The following ARHGAP5 variants were observed in gnomAD, a reference collection of about 807,000 sequenced individuals.
ARHGAP5 encodes Rho GTPase activating protein 5.
ARHGAP5 carries 23 observed loss-of-function variants against 116.6 expected under a neutral mutation model. The ratio of observed to expected loss-of-function variants is 0.20; its 90% CI spans 0.14 to 0.28. The LOEUF (loss-of-function observed/expected upper bound fraction) is 0.28. Ranked by LOEUF, ARHGAP5 falls within the 10% of genes least tolerant of loss-of-function variation. The pLI is 1.00. For synonymous variants in ARHGAP5, 574 were observed against 602.0 expected (o/e 0.95, Z 0.68); for missense variants, 1,405 against 1,774.8 (o/e 0.79, Z 3.74).
rs1300612323 is a variant in ARHGAP5, at chr14:32,092,228, C to G, written c.1559C>G (p.Thr520Arg). The G allele has an allele frequency of 6.2e-7, 1 of 1,613,072 alleles. No homozygotes were observed. The highest frequency in any genetic ancestry group is 2.2e-5 in the East Asian group (1 of 44,866). ...PSSDKMSEIH[T>R]VLSEEPRYKA... The stretch of plus-strand genomic sequence containing the variant: ...TCAGATAAAATGAGTGAAATTCATA[C>G]AGTTCTGAGTGAAGAACCTAGATAT... Residue 520 changes from threonine (T) to arginine (R), a missense_variant, in exon 2 of 7, where the codon ACA becomes AGA. By Grantham distance (71) the Thr-to-Arg change is moderately conservative. This residue lies in a region of ARHGAP5 where 944 missense variants were observed against 1,095.3 expected (regional missense o/e 0.86). Transcript: ENST00000345122. This position sits in a 1 kb window ranked among gnomAD's most constrained non-coding sequence, Gnocchi z 4.1.
At chr14:32,102,559 G>A (rs1878839950) in intron 2 of ARHGAP5, among the ~76,000 whole-genome samples, 1 of 152,172 alleles carries the variant, frequency 6.6e-6, no homozygotes, top group Non-Finnish European at 1.5e-5. Flanking sequence ...CGAAAACAAA[G>A]AAAAATGAGT....
chr14:32,092,386 G>C lies in ARHGAP5; in HGVS notation c.1717G>C (p.Ala573Pro), dbSNP rs775338028. The change falls in exon 2 of 7, where the codon GCT (alanine) becomes CCT (proline). Residue 573 changes from alanine to proline, a missense_variant. Transcript: ENST00000345122. The surrounding 1 kb of genome is among the most constrained non-coding windows in gnomAD (Gnocchi z 4.1). ...AGACATTAAAGTGGAGCAGTTACTT[G>C]CTAGTAGTCTTTTACAGTTGGATCA... ...CTDIKVEQLL[A>P]SSLLQLDHGR... 8 of 1,613,440 alleles carry C rather than the reference G, an allele frequency of 5.0e-6. No individual in the cohort carries two copies. The highest frequency in any genetic ancestry group is 6.8e-6 in the Non-Finnish European group (8 of 1,179,722).
chr14:32,091,509 G>A lies in ARHGAP5; in HGVS notation c.840G>A (p.Val280=), dbSNP rs367996747. The stretch of plus-strand genomic sequence containing the variant: ...CAACAGATAAGTTTGAAAAACTTGT[G>A]CAGACTGTGAGAGATTATCATGCAA... ...VTATDKFEKL[V]QTVRDYHATW... is the part of the protein sequence containing the mutation. Residue 280 remains valine (V), a synonymous_variant, in exon 2 of 7, where the codon GTG becomes GTA. Coordinates refer to ENST00000345122, the MANE Select transcript of ARHGAP5 (RefSeq NM_001030055.2). 7 of 1,612,986 alleles carry A rather than the reference G, an allele frequency of 4.3e-6. No individual in the cohort carries two copies. Among genetic ancestry groups the A allele is most frequent in the Non-Finnish European group, 5.9e-6 (7 of 1,179,488 alleles).
At chr14:32,148,083 G>C (rs537116813) in intron 4 of ARHGAP5, among the ~76,000 whole-genome samples, 1 of 152,134 alleles carries the variant, frequency 6.6e-6, no homozygotes, top group Non-Finnish European at 1.5e-5. Context: ...AACCCAGGAG[G>C]GGGAGGTTGC....
At chr14:32,147,212 A>G (rs949253325) in intron 4 of ARHGAP5, among the ~76,000 whole-genome samples, 2 of 152,218 alleles carry the variant, frequency 1.3e-5, no homozygotes, top group Admixed American at 1.3e-4. Flanking sequence ...ATAGTCTTAG[A>G]GTAAAGAAAA....
chr14:32,104,412 A>G (rs1006637008), intron 2 of ARHGAP5, among the ~76,000 whole-genome samples: 26 of 152,190 alleles, frequency 1.7e-4, no homozygotes, highest in African/African-American at 6.3e-4. Flanking sequence ...CCTAGACCAC[A>G]TTTATTTACT....
chr14:32,130,650 C>G (rs1369035258), intron 3 of ARHGAP5, among the ~76,000 whole-genome samples: 1 of 152,104 alleles, frequency 6.6e-6, no homozygotes, highest in Admixed American at 6.6e-5. Flanking sequence ...AAACGATTCT[C>G]CTGCTTCAGC....
chr14:32,124,424 G>A (rs1880043918), intron 3 of ARHGAP5, among the ~76,000 whole-genome samples: 2 of 152,132 alleles, frequency 1.3e-5, no homozygotes, highest in South Asian at 2.1e-4. Flanking sequence ...AGTTGTGCTA[G>A]GTTCCAGTTG....
intron 3 of ARHGAP5, among the ~76,000 whole-genome samples, chr14:32,119,806 TTAAAC>T (rs1165913022): frequency 6.6e-6 from 1 of 152,178 alleles, no homozygotes; most frequent in African/African-American, 2.4e-5. Flanking sequence ...ATTTTTCACA[TTAAAC>T]TAACCTTACA....
chr14:32,131,485 T>C (rs1465092085), intron 3 of ARHGAP5, among the ~76,000 whole-genome samples: 2 of 152,172 alleles, frequency 1.3e-5, no homozygotes, highest in Admixed American at 1.3e-4. Flanking sequence ...GAAACTGTAT[T>C]TTTATGAAAC....
At position 32,077,336 on chromosome 14, in the gene ARHGAP5, A is replaced by C. The variant is rs778881870; in HGVS notation, c.-268A>C. On this transcript the variant is annotated 5_prime_UTR_variant, in exon 1 of 7. Transcript: ENST00000345122. ...AGAGGCGAGCGGAGAGTGGAGGAGG[A>C]GGCGGCGGCGGCGGGAGCGGTCCCC... 1.9e-4 allele frequency: 115 copies of C among 607,222 alleles called. No homozygotes were observed. Among genetic ancestry groups the C allele is most frequent in the Middle Eastern group, 4.3e-4 (1 of 2,332 alleles). The allele number at this position is 607,222 out of a possible 1,614,324, so 37.6% of individuals were successfully genotyped here.
intron 1 of ARHGAP5, among the ~76,000 whole-genome samples, chr14:32,078,529 AT>A (rs1025851218): frequency 6.6e-6 from 1 of 151,732 alleles, no homozygotes; most frequent in African/African-American, 2.4e-5. Context: ...AGGAAACTGA[AT>A]TTTTTTTTAA....
At chr14:32,152,366 C>A in intron 5 of ARHGAP5, 57 bp from the exon 6 acceptor site, 1 of 1,184,416 alleles carries the variant, frequency 8.4e-7, no homozygotes, top group Non-Finnish European at 1.2e-6. Flanking sequence ...GAAGCTTTAT[C>A]AAATATTTTT....
chr14:32,130,629 C>T (rs1880437674), intron 3 of ARHGAP5, among the ~76,000 whole-genome samples: 1 of 152,100 alleles, frequency 6.6e-6, no homozygotes, highest in African/African-American at 2.4e-5. Flanking sequence ...CAACCTCCGC[C>T]TCCTGGGTTC....
Position 32,077,516 on chromosome 14 carries a change from T to G in ARHGAP5, c.-169+81T>G. The G allele has an allele frequency of 4.6e-6, 3 of 648,936 alleles. No homozygotes were observed. The South Asian group carries it at 4.9e-5, about 11-fold the overall frequency. 40.2% of individuals were successfully genotyped at this position (648,936 alleles called of 1,614,324 possible). ...ACCCTCCTGCGGCTAGCTGCCCCGCTCGGTCGCCGCTGCCGGTTGTAACCA... is the reference window on the plus strand; with the variant it reads ...ACCCTCCTGCGGCTAGCTGCCCCGCGCGGTCGCCGCTGCCGGTTGTAACCA... On this transcript the variant is annotated intron_variant, in intron 1 of 6. Coordinates refer to ENST00000345122, the MANE Select transcript of ARHGAP5 (RefSeq NM_001030055.2).
At chr14:32,130,009 G>C (rs947298113) in intron 3 of ARHGAP5, among the ~76,000 whole-genome samples, 10 of 151,952 alleles carry the variant, frequency 6.6e-5, no homozygotes, top group African/African-American at 2.4e-4. Context: ...GTTGCAGTGA[G>C]CCATGATCAC....
chr14:32,130,837 C>T (rs562434960), intron 3 of ARHGAP5, among the ~76,000 whole-genome samples: 1 of 152,170 alleles, frequency 6.6e-6, no homozygotes, highest in South Asian at 2.1e-4. Context: ...AGCCTGTTTT[C>T]ATTTTCTCAC....
intron 3 of ARHGAP5, among the ~76,000 whole-genome samples, chr14:32,123,107 A>G (rs1402593669): frequency 1.3e-5 from 2 of 151,978 alleles, no homozygotes; most frequent in African/African-American, 4.8e-5. Flanking sequence ...TCAACCCCCA[A>G]TACTTTAAGA....
intron 6 of ARHGAP5, 99 bp from the exon 7 acceptor site, chr14:32,154,522 A>C (rs1881803505): frequency 9.4e-7 from 1 of 1,069,230 alleles, no homozygotes; most frequent in South Asian, 1.6e-5. Context: ...TTGAAGTAGG[A>C]TAAAAGGTAA....
Sources: gnomAD v4.1 joint callset for allele counts (sites outside exome capture counted in the v4.1 genomes callset) on GRCh38, gnomAD v4.1.1 for gene constraint, gnomAD v4.1.1 regional missense constraint, Gnocchi (gnomAD v3.1) non-coding constraint, MANE v1.5 for transcripts, NCBI Gene and HGNC (gene_info 2026-07-23, HGNC 2026-07-21) for gene names.